TPPP2: variants seen among roughly 807,000 people sequenced by gnomAD.
TPPP2 encodes the protein tubulin polymerization-promoting protein family member 2.
TPPP2 carries 8 observed loss-of-function variants against 13.0 expected under a neutral mutation model. The ratio of observed to expected loss-of-function variants is 0.62; its 90% CI spans 0.36 to 1.11. The LOEUF (loss-of-function observed/expected upper bound fraction) is 1.11, where lower values mean the gene tolerates loss of function less well. Among genes scored for constraint, TPPP2 ranks in the 50% most tolerant of loss-of-function variants. TPPP2 has a pLI of 0.02. For synonymous variants in TPPP2, 81 were observed against 81.8 expected, an observed-to-expected ratio of 0.99 and a Z score of 0.05; for missense variants, 213 against 216.9, an observed-to-expected ratio of 0.98 and a Z score of 0.11.
chr14:21,035,576 T>G (rs974119210), downstream of TPPP2, among the ~76,000 whole-genome samples: 2 of 152,136 alleles, frequency 1.3e-5, no homozygotes, highest in African/African-American at 4.8e-5. Flanking sequence ...CCTTTTTACC[T>G]TTGCTGGGCA....
Position 21,031,991 on chromosome 14 carries a change from A to G in TPPP2, c.427A>G (p.Ile143Val). The change falls in exon 4 of 4, where the codon ATT (isoleucine) becomes GTT (valine). Residue 143 changes from isoleucine to valine, a missense_variant. Coordinates refer to ENST00000321760, the MANE Select transcript of TPPP2 (RefSeq NM_173846.5). ...RFDESGKGKG[I>V]AGREEMTDNT... is the part of the protein sequence containing the mutation. ...TGATGAGAGTGGCAAGGGCAAGGGC[A>G]TTGCGGGACGGGAAGAGATGACTGA... 1.2e-6 allele frequency: 2 copies of G among 1,614,170 alleles called. No individual in the cohort carries two copies. Among genetic ancestry groups the G allele is most frequent in the South Asian group, 1.1e-5 (1 of 91,084 alleles).
intron 3 of TPPP2, 123 bp from the exon 4 acceptor site, chr14:21,031,769 C>A (rs1190015828): frequency 8.9e-6 from 10 of 1,124,174 alleles, no homozygotes; most frequent in African/African-American, 3.1e-5. Context: ...GAAAGCAGCA[C>A]CCCATGCCAG....
At chr14:21,034,264 G>T (rs780348680), downstream of TPPP2, 2 of 1,613,254 alleles carry the variant, frequency 1.2e-6, no homozygotes, top group East Asian at 4.5e-5. Flanking sequence ...TGGAGGAAAA[G>T]GAGCCGGGTC....
At chr14:21,025,682 C>T (rs1883493301), upstream of TPPP2, 2 of 985,188 alleles carry the variant, frequency 2.0e-6, no homozygotes, top group Non-Finnish European at 2.4e-6. This position sits in a 1 kb window ranked among gnomAD's most constrained non-coding sequence, Gnocchi z 5.1. Context: ...GGTACCTCTC[C>T]TCTCTTTGCT....
downstream of TPPP2, among the ~76,000 whole-genome samples, chr14:21,035,635 C>T (rs1336437255): frequency 6.8e-6 from 1 of 146,292 alleles, no homozygotes; most frequent in Non-Finnish European, 1.5e-5. Flanking sequence ...CCAACACCCT[C>T]AGTATAGCTC....
downstream of TPPP2, chr14:21,032,897 T>A (rs1484912036): frequency 6.6e-6 from 3 of 454,426 alleles, no homozygotes; most frequent in Non-Finnish European, 8.8e-6. Flanking sequence ...GGGGCTCGTG[T>A]GCCCTTCACC....
upstream of TPPP2, among the ~76,000 whole-genome samples, chr14:21,026,409 T>C (rs1883633542): frequency 6.8e-6 from 1 of 146,492 alleles, no homozygotes; most frequent in East Asian, 2.1e-4. Context: ...TCAGGAACAA[T>C]GGCCAATGGA....
rs1566486458 is a variant in TPPP2 at position 21,030,735 on chromosome 14, A to G, written c.154A>G (p.Ile52Val). The change falls in exon 2 of 4, where the codon ATC (isoleucine) becomes GTC (valine). Residue 52 changes from isoleucine to valine, a missense_variant. Coordinates refer to ENST00000321760, the MANE Select transcript of TPPP2 (RefSeq NM_173846.5). ...GKTVTSTDVD[I>V]VFSKVKAKNA... Reference sequence around the variant, plus strand: ...GACAGTCACCTCCACGGACGTGGACATCGTGTTCAGCAAAGTCAAGTGAGG... The same window carrying G: ...GACAGTCACCTCCACGGACGTGGACGTCGTGTTCAGCAAAGTCAAGTGAGG... 7.4e-6 allele frequency: 12 copies of G among 1,614,104 alleles called. No homozygotes were observed. Among genetic ancestry groups the G allele is most frequent in the Non-Finnish European group, 9.3e-6 (11 of 1,179,968 alleles).
At chr14:21,035,695 G>C (rs1594487668), downstream of TPPP2, 1 of 446,210 alleles carries the variant, frequency 2.2e-6, no homozygotes, top group East Asian at 7.0e-5. Flanking sequence ...TCCTCATGTA[G>C]AGCCCCCTAA....
At chr14:21,036,155 CCAAG>C (rs1326765198), downstream of TPPP2, 1 of 455,778 alleles carries the variant, frequency 2.2e-6, no homozygotes, top group Admixed American at 2.4e-5. Context: ...TAAACTTTTC[CCAAG>C]CCCATCTCTT....
At chr14:21,026,670 C>G (rs977781377), upstream of TPPP2, among the ~76,000 whole-genome samples, 1 of 152,050 alleles carries the variant, frequency 6.6e-6, no homozygotes, top group African/African-American at 2.4e-5. Context: ...CCTTCAACAA[C>G]CCCAAATCTA....
downstream of TPPP2, chr14:21,034,330 G>C (rs1197258228): frequency 7.0e-7 from 1 of 1,434,952 alleles, no homozygotes; most frequent in Non-Finnish European, 9.6e-7. Context: ...GGCAGCAGTG[G>C]GCCTGAAGTG....
intron 1 of TPPP2, chr14:21,024,915 G>A (rs1051167367): frequency 1.5e-5 from 15 of 985,700 alleles, no homozygotes; most frequent in African/African-American, 1.0e-4. Flanking sequence ...CCCGCTCCGT[G>A]CTGGCCCTTT....
In TPPP2 at chr14:21,032,357, TA is replaced by T; in HGVS notation, c.*283del. 2 of 532,636 alleles carry T rather than the reference TA, an allele frequency of 3.8e-6. No homozygotes were observed. The highest frequency in any genetic ancestry group is 7.2e-6 in the Non-Finnish European group (2 of 279,618). 33.0% of individuals were successfully genotyped at this position (532,636 alleles called of 1,614,324 possible). ...ACAGGATGGAAGAATATATTTGGAG[TA>T]AAGAGATGAACCAGATGTGGAGGTA... On this transcript the variant is annotated 3_prime_UTR_variant, in exon 4 of 4. Transcript: ENST00000321760.
downstream of TPPP2, chr14:21,033,880 G>A (rs767994398): frequency 6.2e-7 from 1 of 1,614,158 alleles, no homozygotes; most frequent in South Asian, 1.1e-5. Flanking sequence ...CGGGAGCAGA[G>A]TAGGTAGAGC....
downstream of TPPP2, chr14:21,033,959 C>T (rs770928534): frequency 5.7e-5 from 92 of 1,613,730 alleles, 1 homozygote; most frequent in Admixed American, 1.3e-3. Flanking sequence ...GGGAGCAGAC[C>T]GTGATGGGGA....
downstream of TPPP2, chr14:21,036,038 A>G (rs184118847): frequency 2.6e-6 from 1 of 379,844 alleles, no homozygotes; most frequent in African/African-American, 2.1e-5. Flanking sequence ...TCACGGCAGT[A>G]TGAGGATCCA....
At chr14:21,034,862 G>A (rs370986689), downstream of TPPP2, 158 of 153,246 alleles carry the variant, frequency 1.0e-3, no homozygotes, top group Middle Eastern at 3.4e-3. Context: ...GAGGAAAGAG[G>A]CATTACTATC....
chr14:21,030,900 A>G, intron 2 of TPPP2, 112 bp from the exon 3 acceptor site: 18 of 1,509,226 alleles, frequency 1.2e-5, no homozygotes. Context: ...TCTTCGAGAC[A>G]CTCACTGATT....
Sources: allele counts gnomAD v4.1 joint callset (sites outside exome capture counted in the v4.1 genomes callset), GRCh38; gene constraint gnomAD v4.1.1; non-coding constraint Gnocchi (gnomAD v3.1); transcripts MANE v1.5; gene names NCBI Gene and HGNC (gene_info 2026-07-23, HGNC 2026-07-21).